The following RGS22 variants were observed in gnomAD, a reference collection of about 807,000 sequenced individuals.
RGS22 encodes the protein regulator of G protein signaling 22, also known as regulator of G-protein signaling 22.
In RGS22, 148 loss-of-function variants were observed where a neutral mutation model predicts 172.9. The observed-to-expected ratio is 0.86, with a 90% CI of 0.75 to 0.98. The LOEUF (loss-of-function observed/expected upper bound fraction) is 0.98, where lower values mean the gene tolerates loss of function less well. RGS22 is among the 50% of genes least tolerant of loss of function. The pLI, the probability that RGS22 is intolerant of heterozygous loss-of-function variation, is 0.00. For synonymous variants in RGS22, 458 were observed against 480.2 expected (o/e 0.95, Z 0.60); for missense variants, 1,347 against 1,440.8 (o/e 0.93, Z 1.05).
chr8:99,989,102 A>G (rs1228078488), intron 20 of RGS22, among the ~76,000 whole-genome samples: 3 of 152,086 alleles, frequency 2.0e-5, no homozygotes, highest in African/African-American at 7.2e-5. Context: ...CAAAAAACAA[A>G]CATTAAAAAA....
Position 100,016,978 on chromosome 8 carries a change from C to CTTTTTTTT in RGS22, c.2167-8417_2167-8410dup, listed in dbSNP as rs71274949. On this transcript the variant is annotated intron_variant, in intron 14 of 27. Transcript: ENST00000360863. ...CCTACATCCCTGATTCCTTACCAGT[C>CTTTTTTTT]TTTTTTTTTTTTTTTTTTTTTTTTT... 5.5e-5 allele frequency among the ~76,000 whole-genome samples: 2 copies of CTTTTTTTT among 36,132 alleles called. 1 individual carries two copies. The highest frequency in any genetic ancestry group is 1.8e-4 in the African/African-American group (2 of 11,354). 23.7% of individuals were successfully genotyped at this position (36,132 alleles called of 152,430 possible).
At chr8:100,076,750 T>C (rs1409767963) in intron 4 of RGS22, among the ~76,000 whole-genome samples, 1 of 152,212 alleles carries the variant, frequency 6.6e-6, no homozygotes, top group Non-Finnish European at 1.5e-5. Context: ...CCCAGCACTT[T>C]GGGAGGCCGA....
chr8:100,080,622 TG>T lies in RGS22; in HGVS notation c.118-268del, dbSNP rs573757568. 1.5e-3 allele frequency: 485 copies of T among 333,096 alleles called. 2 individuals are homozygous for T. The highest frequency in any genetic ancestry group is 9.6e-3 in the African/African-American group (450 of 46,856). The allele number at this position is 333,096 out of a possible 1,614,324, so 20.6% of individuals were successfully genotyped here. ...TCCCTTTGTATAAACATCTTAAGTCTGTGATTATTTGAAACTGGAGAGAAAT... is the reference window on the plus strand; with the variant it reads ...TCCCTTTGTATAAACATCTTAAGTCTTGATTATTTGAAACTGGAGAGAAAT... On this transcript the variant is annotated intron_variant, in intron 3 of 27. Transcript: ENST00000360863.
chr8:100,003,087 C>A, intron 17 of RGS22: 1 of 179,206 alleles, frequency 5.6e-6, no homozygotes, highest in Non-Finnish European at 1.2e-5. Context: ...GTAAGAACTA[C>A]TATTTGATAG....
intron 4 of RGS22, among the ~76,000 whole-genome samples, chr8:100,075,489 A>G (rs964238715): frequency 6.6e-6 from 1 of 152,226 alleles, no homozygotes; most frequent in African/African-American, 2.4e-5. Context: ...CCATAAGCCA[A>G]ATAAACCTCT....
intron 2 of RGS22, among the ~76,000 whole-genome samples, chr8:100,095,641 A>T (rs1475548841): frequency 1.3e-5 from 2 of 152,226 alleles, no homozygotes; most frequent in Non-Finnish European, 2.9e-5. Flanking sequence ...TAAAGGTTCT[A>T]AAAGTTTACT....
At chr8:100,003,459 T>A (rs1438069578) in intron 17 of RGS22, among the ~76,000 whole-genome samples, 4 of 151,998 alleles carry the variant, frequency 2.6e-5, no homozygotes, top group Non-Finnish European at 5.9e-5. Context: ...AATACTTCAG[T>A]TTATATTAGA....
intron 12 of RGS22, among the ~76,000 whole-genome samples, chr8:100,040,811 T>TA (rs1314728600): frequency 6.6e-6 from 1 of 152,210 alleles, no homozygotes; most frequent in South Asian, 2.1e-4. Context: ...AATAATGGTA[T>TA]AAAAAATTTA....
intron 14 of RGS22, among the ~76,000 whole-genome samples, chr8:100,028,800 C>T (rs1182334653): frequency 1.3e-5 from 2 of 152,112 alleles, no homozygotes; most frequent in African/African-American, 4.8e-5. Flanking sequence ...GCAGCCAGGC[C>T]CCCACGAAAA....
chr8:100,066,835 G>C lies in RGS22; in HGVS notation c.595-539C>G, dbSNP rs538829008. ...GATTCAGTTTTCACAAGTTTGCTTA[G>C]ATTGAATGCTTCTTGCAGACTGATT... is the stretch of plus-strand genomic sequence containing the variant. On this transcript the variant is annotated intron_variant, in intron 6 of 27. Coordinates refer to ENST00000360863, the MANE Select transcript of RGS22 (RefSeq NM_015668.5). 7.1e-4 allele frequency among the ~76,000 whole-genome samples: 108 copies of C among 152,318 alleles called. 1 individual carries two copies. The highest frequency in any genetic ancestry group is 1.1e-3 in the Non-Finnish European group (75 of 68,032).
At chr8:100,024,567 GA>G (rs1490005772) in intron 14 of RGS22, among the ~76,000 whole-genome samples, 4 of 151,584 alleles carry the variant, frequency 2.6e-5, no homozygotes, top group African/African-American at 7.3e-5. Flanking sequence ...GTCTCACGGA[GA>G]AAAAAAATAT....
At chr8:100,039,107 A>G in intron 13 of RGS22, 75 bp from the exon 14 acceptor site, 1 of 765,268 alleles carries the variant, frequency 1.3e-6, no homozygotes, top group South Asian at 2.1e-5. Context: ...TTTCAAATAT[A>G]AGTAACTGTT....
At chr8:99,976,652 C>T (rs556961907) in intron 23 of RGS22, among the ~76,000 whole-genome samples, 5 of 152,236 alleles carry the variant, frequency 3.3e-5, no homozygotes, top group Admixed American at 2.0e-4. Flanking sequence ...TGAGCCACTG[C>T]GCCCGACTGA....
intron 2 of RGS22, among the ~76,000 whole-genome samples, chr8:100,100,764 T>C (rs573503897): frequency 1.3e-5 from 2 of 152,254 alleles, no homozygotes; most frequent in African/African-American, 2.4e-5. Context: ...AAATAGAAAT[T>C]TGAACAGACT....
intron 14 of RGS22, among the ~76,000 whole-genome samples, chr8:100,029,180 G>A (rs956632476): frequency 5.9e-5 from 9 of 152,132 alleles, no homozygotes; most frequent in Admixed American, 5.9e-4. Context: ...TGTGAACACT[G>A]AAGCTGATCC....
intron 2 of RGS22, among the ~76,000 whole-genome samples, chr8:100,098,412 A>C (rs1483873609): frequency 6.6e-6 from 1 of 152,240 alleles, no homozygotes; most frequent in Non-Finnish European, 1.5e-5. Flanking sequence ...GCAAGGTGAG[A>C]CAAGCTCCAC....
At chr8:100,047,631 G>A (rs1207429236) in intron 10 of RGS22, 35 bp from the exon 11 acceptor site, 4 of 1,585,590 alleles carry the variant, frequency 2.5e-6, no homozygotes, top group Non-Finnish European at 3.4e-6. Flanking sequence ...ATGAAAATGA[G>A]AGAGAAAAAA....
intron 16 of RGS22, 57 bp from the exon 17 acceptor site, chr8:100,004,155 T>C (rs1180837418): frequency 7.5e-6 from 11 of 1,469,982 alleles, no homozygotes; most frequent in Non-Finnish European, 9.9e-6. Flanking sequence ...TTGTTTACAA[T>C]TTTAAGTAGA....
intron 6 of RGS22, among the ~76,000 whole-genome samples, chr8:100,068,864 G>A (rs1810732349): frequency 1.3e-5 from 2 of 151,344 alleles, no homozygotes; most frequent in Admixed American, 6.6e-5. Context: ...AACCTTGGGA[G>A]GTCAAGGCTG....
Sources: gnomAD v4.1 joint callset for allele counts (sites outside exome capture counted in the v4.1 genomes callset) on GRCh38, gnomAD v4.1.1 for gene constraint, MANE v1.5 for transcripts, NCBI Gene and HGNC (gene_info 2026-07-23, HGNC 2026-07-21) for gene names.